ENDOU: variants seen among roughly 807,000 people sequenced by gnomAD.
ENDOU encodes uridylate-specific endoribonuclease.
In ENDOU, 49 loss-of-function variants were observed where a neutral mutation model predicts 54.2. The observed-to-expected ratio is 0.90, with a 90% CI of 0.72 to 1.15. The LOEUF (loss-of-function observed/expected upper bound fraction) is 1.15. Among genes scored for constraint, ENDOU ranks in the 50% most tolerant of loss-of-function variants. The pLI, the probability that ENDOU is intolerant of heterozygous loss-of-function variation, is 0.00. For synonymous variants in ENDOU, 172 were observed against 190.5 expected, an observed-to-expected ratio of 0.90 and a Z score of 0.80; for missense variants, 458 against 511.4, an observed-to-expected ratio of 0.90 and a Z score of 1.01.
At chr12:47,724,794 T>A (rs1940534533) in intron 1 of ENDOU, among the ~76,000 whole-genome samples, 1 of 152,186 alleles carries the variant, frequency 6.6e-6, no homozygotes, top group South Asian at 2.1e-4. Context: ...TCAATTCTCC[T>A]AACACTGCAA....
chr12:47,715,698 A>G (rs759528316), intron 6 of ENDOU, among the ~76,000 whole-genome samples: 2 of 151,860 alleles, frequency 1.3e-5, no homozygotes, highest in Non-Finnish European at 2.9e-5. Context: ...AACAAACACA[A>G]CTCCATGCCA....
intron 4 of ENDOU, 63 bp downstream of exon 4, chr12:47,717,455 G>GT: frequency 1.3e-6 from 2 of 1,568,984 alleles, no homozygotes; most frequent in Non-Finnish European, 1.7e-6. Flanking sequence ...GGGACCACAT[G>GT]TTGAGAACCT....
At chr12:47,712,366 G>A in intron 8 of ENDOU, 150 bp downstream of exon 8, 2 of 628,718 alleles carry the variant, frequency 3.2e-6, no homozygotes, top group Non-Finnish European at 5.7e-6. Flanking sequence ...GCTGGCTAAA[G>A]TGGCTGTCTA....
chr12:47,716,825 A>G (rs2524318), intron 5 of ENDOU, 65 bp downstream of exon 5: 877,747 of 1,518,276 alleles, frequency 0.58, 258,959 homozygotes, highest in East Asian at 0.63. Context: ...AAAAGTCGAG[A>G]CATCGAAAGA....
chr12:47,721,020 A>G, intron 1 of ENDOU, 145 bp from the exon 2 acceptor site: 1 of 728,264 alleles, frequency 1.4e-6, no homozygotes, highest in South Asian at 1.8e-5. Context: ...GTACATCCAC[A>G]GCCTCCCATG....
At chr12:47,716,770 T>A in intron 5 of ENDOU, 120 bp downstream of exon 5, 1 of 1,051,870 alleles carries the variant, frequency 9.5e-7, no homozygotes, top group Admixed American at 2.4e-5. Flanking sequence ...TCTGGAGAAC[T>A]ATTTTTTTTC....
chr12:47,711,004 C>T, intron 9 of ENDOU, 85 bp from the exon 10 acceptor site: 2 of 827,022 alleles, frequency 2.4e-6, no homozygotes, highest in Non-Finnish European at 3.9e-6. Flanking sequence ...CCAACTGAAG[C>T]AGAAGGGCTC....
intron 1 of ENDOU, among the ~76,000 whole-genome samples, chr12:47,723,684 G>A (rs576369798): frequency 1.3e-5 from 2 of 152,258 alleles, no homozygotes; most frequent in African/African-American, 4.8e-5. Flanking sequence ...AAGCCTGGGT[G>A]GACACAGTGT....
chr12:47,718,181 C>T lies in ENDOU; in HGVS notation c.192G>A (p.Glu64=). Reference sequence around the variant, plus strand: ...CCTCCAGCTGTGGCAATGGCTCTGACTCTTTGTGGTCCTCTGCAGGTAGAT... The same window carrying T: ...CCTCCAGCTGTGGCAATGGCTCTGATTCTTTGTGGTCCTCTGCAGGTAGAT... ...YEHLCTEDHK[E]SEPLPQLEEE... The change falls in exon 3 of 10, where the codon GAG becomes GAA. Residue 64 remains glutamate (E), a synonymous_variant. Coordinates refer to ENST00000422538, the MANE Select transcript of ENDOU (RefSeq NM_001172439.2). 6.3e-7 allele frequency: 1 copy of T among 1,582,098 alleles called. No individual in the cohort carries two copies. Among genetic ancestry groups the T allele is most frequent in the Non-Finnish European group, 8.6e-7 (1 of 1,162,268 alleles).
intron 4 of ENDOU, 88 bp from the exon 5 acceptor site, chr12:47,717,146 A>G: frequency 8.7e-7 from 1 of 1,146,156 alleles, no homozygotes; most frequent in Non-Finnish European, 1.3e-6. Context: ...CCTCCTGGGC[A>G]CCTTCAAGAA....
In ENDOU at chr12:47,711,664, A is replaced by T; in HGVS notation, c.1084T>A (p.Ser362Thr). 4.3e-6 allele frequency: 7 copies of T among 1,613,982 alleles called. No individual in the cohort carries two copies. The highest frequency in any genetic ancestry group is 5.9e-6 in the Non-Finnish European group (7 of 1,179,970). ...SSPEFEFALY[S>T]LCFIARPGKV... is the part of the protein sequence containing the mutation. Reference sequence around the variant, plus strand: ...CCTGGCCTGGCGATGAAGCACAGGGAGTAGAGTGCAAACTCAAACTCAGGG... The same window carrying T: ...CCTGGCCTGGCGATGAAGCACAGGGTGTAGAGTGCAAACTCAAACTCAGGG... The change falls in exon 9 of 10, where the codon TCC (serine) becomes ACC (threonine). Residue 362 changes from serine to threonine, a missense_variant. Coordinates refer to ENST00000422538, the MANE Select transcript of ENDOU (RefSeq NM_001172439.2).
rs759786566 is a variant in ENDOU at position 47,720,826 on chromosome 12, G to A, written c.105C>T (p.Asp35=). The change falls in exon 2 of 10, where the codon GAC becomes GAT. Residue 35 remains aspartate, a synonymous_variant. Transcript: ENST00000422538. ...ACCGGCGGTCACACTGGCAGGCAGC[G>A]TCCCGGTTAAATTTCTCATTACATC... is the stretch of plus-strand genomic sequence containing the variant. ...ASRCNEKFNR[D]AACQCDRRCL... is the part of the protein sequence containing the mutation. 1.2e-4 allele frequency: 187 copies of A among 1,535,936 alleles called. No homozygotes were observed. Among genetic ancestry groups the A allele is most frequent in the Middle Eastern group, 1.7e-4 (1 of 6,012 alleles).
intron 6 of ENDOU, among the ~76,000 whole-genome samples, chr12:47,713,861 TG>T (rs1296774901): frequency 6.6e-6 from 1 of 151,744 alleles, no homozygotes; most frequent in Non-Finnish European, 1.5e-5. Flanking sequence ...GATTCCTCCA[TG>T]TAGAGGGAAC....
intron 7 of ENDOU, 143 bp from the exon 8 acceptor site, chr12:47,712,765 A>C: frequency 1.6e-6 from 1 of 638,662 alleles, no homozygotes; most frequent in East Asian, 2.7e-5. Flanking sequence ...GAGTCCCCAG[A>C]GTCTCTCACA....
intron 8 of ENDOU, among the ~76,000 whole-genome samples, chr12:47,712,255 C>T (rs952231008): frequency 6.6e-6 from 1 of 152,158 alleles, no homozygotes; most frequent in African/African-American, 2.4e-5. Flanking sequence ...TCTGAGAATC[C>T]TCCCCAGGCC....
At position 47,710,801 on chromosome 12, in the gene ENDOU, A is replaced by G. The variant is rs1419461543; in HGVS notation, c.*1T>C. 1.2e-5 allele frequency: 20 copies of G among 1,609,024 alleles called. No homozygotes were observed. In the South Asian group the frequency reaches 1.9e-4, roughly 15 times the overall value. On this transcript the variant is annotated 3_prime_UTR_variant, in exon 10 of 10. Coordinates refer to ENST00000422538, the MANE Select transcript of ENDOU (RefSeq NM_001172439.2). ...ATGCCCCTTTCTGGCTCGAAGTTCT[A>G]TTAGGTGGAAGACACTATGTAGGCT...
intron 9 of ENDOU, 109 bp from the exon 10 acceptor site, chr12:47,711,028 C>A: frequency 1.5e-6 from 1 of 655,534 alleles, no homozygotes; most frequent in Non-Finnish European, 2.7e-6. Flanking sequence ...TCTGCTTAAA[C>A]AGCCTTAAAG....
Position 47,717,666 on chromosome 12 carries a change from A to G in ENDOU, c.245-11T>C, listed in dbSNP as rs772294632. ...GTGCCGAGTACAAGTCTGAGAAGAG[A>G]GGGGTGGTGTGTCCCGGGCTGACCT... On this transcript the variant is annotated splice_polypyrimidine_tract_variant and intron_variant, in intron 3 of 9. Transcript: ENST00000422538. 1.2e-6 allele frequency: 2 copies of G among 1,613,624 alleles called. No homozygotes were observed. Among genetic ancestry groups the G allele is most frequent in the African/African-American group, 2.7e-5 (2 of 75,002 alleles).
At chr12:47,723,244 T>G (rs1347417093) in intron 1 of ENDOU, among the ~76,000 whole-genome samples, 1 of 152,188 alleles carries the variant, frequency 6.6e-6, no homozygotes, top group East Asian at 1.9e-4. Context: ...GCCAGCACTT[T>G]CTCACATTTC....
Sources: gnomAD v4.1 joint callset for allele counts (sites outside exome capture counted in the v4.1 genomes callset) on GRCh38, gnomAD v4.1.1 for gene constraint, MANE v1.5 for transcripts, NCBI Gene and HGNC (gene_info 2026-07-23, HGNC 2026-07-21) for gene names.